Variants in ZNF273 observed in about 807,000 individuals in gnomAD.
ZNF273 encodes the protein zinc finger protein 273.
In ZNF273, 11 loss-of-function variants were observed where a neutral mutation model predicts 14.9. The observed-to-expected ratio is 0.74, with a 90% confidence interval of 0.46 to 1.22. The LOEUF (loss-of-function observed/expected upper bound fraction) is 1.22, where lower values mean the gene tolerates loss of function less well. ZNF273 is among the 50% of genes most tolerant of loss of function. ZNF273 has a pLI of 0.00. For missense variants in ZNF273, 577 were observed against 660.6 expected (o/e 0.87, Z 1.39); for synonymous variants, 199 against 223.9 (o/e 0.89, Z 0.99).
At position 64,913,805 on chromosome 7, in the gene ZNF273, T is replaced by G. The variant is rs113072242; in HGVS notation, c.103-3776T>G. 6.5e-3 allele frequency among the ~76,000 whole-genome samples: 997 copies of G among 152,300 alleles called. 3 individuals carry two copies. The highest frequency in any genetic ancestry group is 0.031 in the Middle Eastern group (9 of 294). Reference sequence around the variant, plus strand: ...ACATTACATAGAGTTGGGTCAAAATTACGAAGTGATTTATAAGCTCGTTAA... The same window carrying G: ...ACATTACATAGAGTTGGGTCAAAATGACGAAGTGATTTATAAGCTCGTTAA... On this transcript the variant is annotated intron_variant, in intron 1 of 3. Transcript: ENST00000476120.
chr7:64,893,981 C>A (rs920019648), downstream of ZNF273: 1 of 151,902 alleles, frequency 6.6e-6, no homozygotes, highest in Non-Finnish European at 1.5e-5. Context: ...ATTTTAAGTT[C>A]TTTTCGTGCT....
downstream of ZNF273, chr7:64,931,067 TAG>T (rs1794982121): frequency 6.6e-6 from 1 of 152,182 alleles, no homozygotes; most frequent in Admixed American, 6.5e-5. Flanking sequence ...TTGATTTACA[TAG>T]AGTTAAATAT....
chr7:64,934,493 TA>T (rs1216667806), downstream of ZNF273, among the ~76,000 whole-genome samples: 17 of 152,190 alleles, frequency 1.1e-4, no homozygotes, highest in Non-Finnish European at 2.4e-4. Flanking sequence ...AATAGATTTT[TA>T]TATATGGTGT....
intron 1 of ZNF273, among the ~76,000 whole-genome samples, chr7:64,914,862 A>C (rs35408671): frequency 0.92 from 138,028 of 150,524 alleles, 63,528 homozygotes; most frequent in South Asian, 0.97. Flanking sequence ...GTGTGTAATT[A>C]GTCCAGAGAC....
intron 1 of ZNF273, chr7:64,877,946 A>C (rs2902630): frequency 6.6e-6 from 1 of 152,140 alleles, no homozygotes. Context: ...GAACCTCCCA[A>C]CCTCAGAAGT....
At chr7:64,904,193 A>G (rs562570330) in intron 1 of ZNF273, among the ~76,000 whole-genome samples, 450 of 152,176 alleles carry the variant, frequency 3.0e-3, no homozygotes, top group Non-Finnish European at 4.5e-3. Context: ...GGTTCATGCA[A>G]TTCTCCTGCT....
chr7:64,921,605 C>CTTTTTTTTGTT (rs1794452557), intron 3 of ZNF273, among the ~76,000 whole-genome samples: 1 of 57,928 alleles, frequency 1.7e-5, no homozygotes, highest in Non-Finnish European at 3.2e-5. Flanking sequence ...CATGCTAATG[C>CTTTTTTTTGTT]TTTTTTTTTT....
chr7:64,914,278 C>T (rs1233972692), intron 1 of ZNF273, among the ~76,000 whole-genome samples: 5 of 146,594 alleles, frequency 3.4e-5, no homozygotes, highest in Non-Finnish European at 7.4e-5. Context: ...CTCAGGTGAT[C>T]CACCCACCTT....
downstream of ZNF273, among the ~76,000 whole-genome samples, chr7:64,881,681 G>A (rs1791259693): frequency 6.6e-6 from 1 of 152,162 alleles, no homozygotes; most frequent in Admixed American, 6.5e-5. Flanking sequence ...ACTTCAGGGG[G>A]CACAAGGGAC....
Position 64,930,540 on chromosome 7 carries a change from G to A in ZNF273, c.*1502G>A, listed in dbSNP as rs532033149. ...CATGTTTTAACATGTTAAGACTTGT[G>A]CATTCAGTGAAGCGTTATTATGCCA... On this transcript the variant is annotated 3_prime_UTR_variant, in exon 4 of 4. Coordinates refer to ENST00000476120, the MANE Select transcript of ZNF273 (RefSeq NM_021148.3). 2 of 152,186 alleles carry A rather than the reference G, an allele frequency of 1.3e-5. No individual in the cohort carries two copies. Among genetic ancestry groups the A allele is most frequent in the African/African-American group, 4.8e-5 (2 of 41,536 alleles). 9.4% of individuals were successfully genotyped at this position (152,186 alleles called of 1,614,324 possible).
chr7:64,928,663 T>C lies in ZNF273; in HGVS notation c.1335T>C (p.Leu445=). The change falls in exon 4 of 4, where the codon CTT becomes CTC. Residue 445 remains leucine (L), a synonymous_variant. Coordinates refer to ENST00000476120, the MANE Select transcript of ZNF273 (RefSeq NM_021148.3). ...AAGCCTTTAGTGTATTCTCAACCCT[T>C]ACTAAACATAAGATAATTCATACTG... ...CGKAFSVFST[L]TKHKIIHTGA... is the part of the protein sequence containing the mutation. The C allele has an allele frequency of 1.2e-6, 2 of 1,612,668 alleles. No homozygotes were observed. The highest frequency in any genetic ancestry group is 1.7e-6 in the Non-Finnish European group (2 of 1,179,142).
chr7:64,892,271 G>A (rs1175643251), downstream of ZNF273, among the ~76,000 whole-genome samples: 8 of 152,196 alleles, frequency 5.3e-5, no homozygotes, highest in South Asian at 2.1e-4. Flanking sequence ...GAAAAACAAT[G>A]GAAAATAAAC....
chr7:64,889,484 G>A, downstream of ZNF273: 1 of 985,942 alleles, frequency 1.0e-6, no homozygotes, highest in Non-Finnish European at 1.2e-6. The surrounding 1 kb of genome is among the most constrained non-coding windows in gnomAD (Gnocchi z 4.2). Context: ...CGGGACGCCA[G>A]GTTCCCGGTT....
At chr7:64,879,616 C>T (rs141938957) in exon 3 of ZNF273, 1,681 of 152,446 alleles carry the variant, frequency 0.011, 15 homozygotes, top group Non-Finnish European at 0.016. Flanking sequence ...CCCTGTGAGG[C>T]CCAGGATGAA....
At chr7:64,911,390 A>G (rs1249231242) in intron 1 of ZNF273, among the ~76,000 whole-genome samples, 4 of 151,590 alleles carry the variant, frequency 2.6e-5, no homozygotes, top group Admixed American at 6.6e-5. Context: ...CAGCCTCCCA[A>G]ATAGCTGGGA....
chr7:64,922,730 C>T (rs118096268), intron 3 of ZNF273, among the ~76,000 whole-genome samples: 5,913 of 151,568 alleles, frequency 0.039, 181 homozygotes, highest in East Asian at 0.15. Context: ...TTTGGGATGC[C>T]GAGGCGAGTA....
downstream of ZNF273, among the ~76,000 whole-genome samples, chr7:64,892,994 C>T (rs955746057): frequency 6.6e-6 from 1 of 152,170 alleles, no homozygotes; most frequent in Non-Finnish European, 1.5e-5. Context: ...GTTGGACATG[C>T]CTGGCCCACA....
chr7:64,926,870 C>A (rs1462352539), intron 3 of ZNF273, among the ~76,000 whole-genome samples: 1 of 152,152 alleles, frequency 6.6e-6, no homozygotes, highest in Non-Finnish European at 1.5e-5. Context: ...TAATCACTTG[C>A]TACACCTGTT....
chr7:64,892,116 C>G (rs905217437), downstream of ZNF273, among the ~76,000 whole-genome samples: 6 of 152,190 alleles, frequency 3.9e-5, no homozygotes, highest in Non-Finnish European at 1.5e-5. Context: ...TCCTTTCCTT[C>G]CAGTGAAAAG....
Sources: allele counts gnomAD v4.1 joint callset (sites outside exome capture counted in the v4.1 genomes callset), GRCh38; gene constraint gnomAD v4.1.1; non-coding constraint Gnocchi (gnomAD v3.1); transcripts MANE v1.5; gene names NCBI Gene and HGNC (gene_info 2026-07-23, HGNC 2026-07-21).